Variants in RSRC1 observed in about 807,000 individuals in gnomAD.
RSRC1 encodes the protein serine/Arginine-related protein 53.
RSRC1 carries 39 observed loss-of-function variants against 49.1 expected under a neutral mutation model. The ratio of observed to expected loss-of-function variants is 0.79; its 90% confidence interval spans 0.61 to 1.04. The LOEUF (loss-of-function observed/expected upper bound fraction) is 1.04. RSRC1 is among the 50% of genes least tolerant of loss of function. The pLI is 0.00. For synonymous variants in RSRC1, 143 were observed against 130.8 expected, an observed-to-expected ratio of 1.09 and a Z score of -0.63; for missense variants, 388 against 402.4, an observed-to-expected ratio of 0.96 and a Z score of 0.31.
chr3:158,394,538 C>T (rs1733503056), intron 6 of RSRC1, among the ~76,000 whole-genome samples: 1 of 152,078 alleles, frequency 6.6e-6, no homozygotes, highest in South Asian at 2.1e-4. Context: ...TTTCTATACA[C>T]TAACAACATT....
At chr3:158,158,376 G>A (rs911974073) in intron 3 of RSRC1, among the ~76,000 whole-genome samples, 5 of 151,990 alleles carry the variant, frequency 3.3e-5, no homozygotes, top group African/African-American at 9.7e-5. Flanking sequence ...ATGCACTGGC[G>A]GTTGTGGAAC....
At chr3:158,492,709 T>G (rs548915181) in intron 7 of RSRC1, among the ~76,000 whole-genome samples, 2 of 152,336 alleles carry the variant, frequency 1.3e-5, no homozygotes, top group East Asian at 3.9e-4. Flanking sequence ...TATTTCCTCT[T>G]TTTCCTATTT....
At chr3:158,446,175 A>G (rs1368405628) in intron 6 of RSRC1, among the ~76,000 whole-genome samples, 1 of 152,112 alleles carries the variant, frequency 6.6e-6, no homozygotes, top group African/African-American at 2.4e-5. Context: ...TAAATACCAT[A>G]TTCAGTTTTA....
At chr3:158,116,764 G>A (rs1714854229) in intron 1 of RSRC1, among the ~76,000 whole-genome samples, 1 of 152,142 alleles carries the variant, frequency 6.6e-6, no homozygotes, top group Non-Finnish European at 1.5e-5. Context: ...AGATCCCCAA[G>A]GGTCTACAGG....
chr3:158,119,726 A>G (rs55964329), intron 1 of RSRC1, among the ~76,000 whole-genome samples: 97,563 of 150,810 alleles, frequency 0.65, 31,756 homozygotes, highest in East Asian at 0.83. Context: ...GTGAATTTAT[A>G]TGTATGTACA....
At chr3:158,171,389 A>G (rs946092211) in intron 3 of RSRC1, among the ~76,000 whole-genome samples, 2 of 152,218 alleles carry the variant, frequency 1.3e-5, no homozygotes, top group African/African-American at 4.8e-5. Context: ...AAGGGAAAAG[A>G]CAATCAACAG....
intron 6 of RSRC1, among the ~76,000 whole-genome samples, chr3:158,419,190 A>G (rs1560033627): frequency 6.6e-6 from 1 of 152,030 alleles, no homozygotes; most frequent in Non-Finnish European, 1.5e-5. Flanking sequence ...ATCAATATAA[A>G]TATAGGAATG....
chr3:158,364,051 C>T (rs944752116), intron 6 of RSRC1, among the ~76,000 whole-genome samples: 13 of 152,144 alleles, frequency 8.5e-5, no homozygotes, highest in African/African-American at 3.1e-4. Context: ...ATTTTATTCT[C>T]TTAGTTGCCT....
chr3:158,125,845 T>C (rs1211903356), intron 3 of RSRC1, among the ~76,000 whole-genome samples: 1 of 152,162 alleles, frequency 6.6e-6, no homozygotes, highest in Non-Finnish European at 1.5e-5. Flanking sequence ...TACTTCTCCC[T>C]TCCATTCTGG....
At chr3:158,219,144 G>A (rs1364403293) in intron 4 of RSRC1, among the ~76,000 whole-genome samples, 1 of 151,560 alleles carries the variant, frequency 6.6e-6, no homozygotes, top group Non-Finnish European at 1.5e-5. Flanking sequence ...AAAACAGAAG[G>A]ATTAAAAGGA....
intron 8 of RSRC1, among the ~76,000 whole-genome samples, chr3:158,538,778 G>C (rs17628958): frequency 0.22 from 34,011 of 151,772 alleles, 4,027 homozygotes; most frequent in South Asian, 0.29. Context: ...CATTTATCTT[G>C]GTGAATATAC....
At chr3:158,148,366 C>CGT (rs71144442) in intron 3 of RSRC1, among the ~76,000 whole-genome samples, 87,016 of 149,650 alleles carry the variant, frequency 0.58, 25,314 homozygotes, top group East Asian at 0.7. Context: ...TGTGTGTGTG[C>CGT]GTGTGTGTGT....
intron 6 of RSRC1, among the ~76,000 whole-genome samples, chr3:158,388,199 A>C (rs1247679051): frequency 2.6e-5 from 4 of 151,698 alleles, no homozygotes; most frequent in Non-Finnish European, 5.9e-5. Flanking sequence ...ATAAAATTTT[A>C]TAAATGGATT....
chr3:158,376,971 T>C (rs1421280697), intron 6 of RSRC1, among the ~76,000 whole-genome samples: 1 of 152,172 alleles, frequency 6.6e-6, no homozygotes, highest in East Asian at 1.9e-4. Flanking sequence ...ATATAAAATA[T>C]CAGTTAGGTC....
intron 6 of RSRC1, among the ~76,000 whole-genome samples, chr3:158,437,463 C>A (rs1578476834): frequency 6.6e-6 from 1 of 152,078 alleles, no homozygotes; most frequent in East Asian, 1.9e-4. Context: ...AGCTTATTGA[C>A]CATGATCAAG....
chr3:158,352,745 C>A (rs1207586284), intron 5 of RSRC1, among the ~76,000 whole-genome samples: 3 of 152,170 alleles, frequency 2.0e-5, no homozygotes, highest in African/African-American at 7.2e-5. Context: ...TGCGTTTCTG[C>A]ATGACCACAA....
intron 6 of RSRC1, among the ~76,000 whole-genome samples, chr3:158,419,184 A>G (rs778879596): frequency 6.6e-6 from 1 of 152,024 alleles, no homozygotes; most frequent in African/African-American, 2.4e-5. Flanking sequence ...AGTATAATCA[A>G]TATAAATATA....
intron 7 of RSRC1, among the ~76,000 whole-genome samples, chr3:158,490,633 T>C (rs992678936): frequency 1.3e-5 from 2 of 152,242 alleles, no homozygotes; most frequent in African/African-American, 4.8e-5. Context: ...CATTTTTATC[T>C]ATTTAATTTA....
At chr3:158,391,829 A>C (rs1733316843) in intron 6 of RSRC1, among the ~76,000 whole-genome samples, 1 of 152,084 alleles carries the variant, frequency 6.6e-6, no homozygotes, top group African/African-American at 2.4e-5. Context: ...CATTTCAAAA[A>C]TAGCTAGTTT....
Sources: gnomAD v4.1 joint callset for allele counts (sites outside exome capture counted in the v4.1 genomes callset) on GRCh38, gnomAD v4.1.1 for gene constraint, MANE v1.5 for transcripts, NCBI Gene and HGNC (gene_info 2026-07-23, HGNC 2026-07-21) for gene names.